Variants in WWOX observed in about 807,000 individuals in gnomAD.
WWOX encodes the protein WW domain containing oxidoreductase, also known as WW domain-containing oxidoreductase.
A neutral mutation model predicts 46.2 loss-of-function variants in WWOX; 69 were observed. That is an observed-to-expected ratio of 1.49 (90% CI 1.23 to 1.82). The LOEUF is 1.82. Among genes scored for constraint, WWOX ranks in the 40% most tolerant of loss-of-function variants. WWOX has a pLI of 0.00. For missense variants in WWOX, 919 were observed against 542.6 expected (o/e 1.69, Z -6.89); for synonymous variants, 359 against 202.6 (o/e 1.77, Z -6.56).
At chr16:78,829,361 C>T (rs1399499242) in intron 8 of WWOX, among the ~76,000 whole-genome samples, 5 of 152,188 alleles carry the variant, frequency 3.3e-5, no homozygotes, top group Non-Finnish European at 5.9e-5. Flanking sequence ...ATTTCTTACT[C>T]AGACTTTTGT....
chr16:78,304,999 T>A (rs1480667167), intron 5 of WWOX, among the ~76,000 whole-genome samples: 2 of 152,028 alleles, frequency 1.3e-5, no homozygotes, highest in Non-Finnish European at 2.9e-5. Context: ...CCTTCTTTCC[T>A]TGCCATTTAA....
intron 8 of WWOX, among the ~76,000 whole-genome samples, chr16:78,904,646 T>C (rs549219893): frequency 1.3e-5 from 2 of 152,124 alleles, no homozygotes; most frequent in Non-Finnish European, 2.9e-5. Flanking sequence ...CCACATAATT[T>C]ATCATCCACA....
chr16:78,883,294 C>T (rs564348356), intron 8 of WWOX, among the ~76,000 whole-genome samples: 153 of 152,014 alleles, frequency 1.0e-3, no homozygotes, highest in Non-Finnish European at 2.0e-3. Context: ...AACGCAGTAA[C>T]GTAGAGATGA....
chr16:78,431,268 T>G (rs7201039), intron 7 of WWOX, among the ~76,000 whole-genome samples: 1 of 152,072 alleles, frequency 6.6e-6, no homozygotes, highest in Non-Finnish European at 1.5e-5. Flanking sequence ...AAACATTAGA[T>G]TTTGCCAGAA....
intron 5 of WWOX, among the ~76,000 whole-genome samples, chr16:78,377,431 C>G (rs1487285089): frequency 2.6e-5 from 4 of 152,288 alleles, no homozygotes; most frequent in Admixed American, 2.0e-4. Flanking sequence ...TACGCTTCAA[C>G]TTATTGTACT....
At chr16:78,285,871 G>A (rs28722104) in intron 5 of WWOX, among the ~76,000 whole-genome samples, 6,328 of 152,130 alleles carry the variant, frequency 0.042, 298 homozygotes, top group African/African-American at 0.12. Context: ...CAAGCTTTCT[G>A]TCTCCCAGGA....
chr16:78,503,983 T>C (rs899236870), intron 8 of WWOX, among the ~76,000 whole-genome samples: 3 of 152,262 alleles, frequency 2.0e-5, no homozygotes, highest in Admixed American at 2.0e-4. Flanking sequence ...TTATGTTTTT[T>C]TTATTCCCTG....
At chr16:78,170,890 T>G (rs1486239986) in intron 5 of WWOX, among the ~76,000 whole-genome samples, 1 of 152,212 alleles carries the variant, frequency 6.6e-6, no homozygotes, top group Non-Finnish European at 1.5e-5. Flanking sequence ...GTGCATGTTT[T>G]AGGGAGAGAG....
At position 79,165,931 on chromosome 16, in the gene WWOX, C is replaced by T. The variant is rs564766605; in HGVS notation, c.1057-45677C>T. ...ATACTAATCAACTCAATTACCAGCC[C>T]TCTCAGACATTTTCATAATGTTTTC... On this transcript the variant is annotated intron_variant, in intron 8 of 8. Coordinates refer to ENST00000566780, the MANE Select transcript of WWOX (RefSeq NM_016373.4). Among the ~76,000 whole-genome samples the T allele has an allele frequency of 2.8e-4, 42 of 152,316 alleles. 1 individual carries two copies. Among genetic ancestry groups the T allele is most frequent in the Non-Finnish European group, 4.9e-4 (33 of 68,030 alleles).
Position 78,615,838 on chromosome 16 carries a change from C to T in WWOX, c.1056+183086C>T, listed in dbSNP as rs189100882. ...CAGTCTCCGCTCACTGTAAGCTCCGCCTCCCGAGTTCACGCCATTCTCCTG... is the reference window on the plus strand; with the variant it reads ...CAGTCTCCGCTCACTGTAAGCTCCGTCTCCCGAGTTCACGCCATTCTCCTG... On this transcript the variant is annotated intron_variant, in intron 8 of 8. Coordinates refer to ENST00000566780, the MANE Select transcript of WWOX (RefSeq NM_016373.4). 7.9e-5 allele frequency among the ~76,000 whole-genome samples: 12 copies of T among 151,840 alleles called. No individual in the cohort carries two copies. In the East Asian group the frequency reaches 2.1e-3, roughly 27 times the overall value.
At chr16:78,518,275 A>G (rs973593045) in intron 8 of WWOX, among the ~76,000 whole-genome samples, 11 of 152,246 alleles carry the variant, frequency 7.2e-5, no homozygotes, top group African/African-American at 2.6e-4. Flanking sequence ...TCTGTCACCC[A>G]GGCTGAAGTG....
chr16:79,050,947 G>C (rs542674321), intron 8 of WWOX, among the ~76,000 whole-genome samples: 5 of 152,340 alleles, frequency 3.3e-5, no homozygotes, highest in African/African-American at 1.2e-4. Context: ...AGAAATTACA[G>C]CCCAGATTAG....
intron 8 of WWOX, among the ~76,000 whole-genome samples, chr16:79,068,532 G>T (rs750915020): frequency 3.3e-5 from 5 of 151,992 alleles, no homozygotes; most frequent in Non-Finnish European, 7.4e-5. Context: ...GGCTGGTCAC[G>T]GTGGCTCATG....
chr16:78,171,041 C>T (rs867213975), intron 5 of WWOX, among the ~76,000 whole-genome samples: 2 of 152,212 alleles, frequency 1.3e-5, no homozygotes, highest in African/African-American at 4.8e-5. Context: ...TATGTGATTG[C>T]AGCCTCATTG....
intron 5 of WWOX, among the ~76,000 whole-genome samples, chr16:78,210,489 G>A (rs1051713344): frequency 2.6e-5 from 4 of 151,888 alleles, no homozygotes; most frequent in South Asian, 2.1e-4. Flanking sequence ...ACACACGCGC[G>A]TGCACACACA....
chr16:79,074,174 T>G (rs1363479690), intron 8 of WWOX, among the ~76,000 whole-genome samples: 2 of 152,024 alleles, frequency 1.3e-5, no homozygotes, highest in Non-Finnish European at 2.9e-5. Context: ...GACCCCAAGT[T>G]GGAGCTGTGT....
chr16:78,536,087 G>A (rs1420732368), intron 8 of WWOX, among the ~76,000 whole-genome samples: 1 of 152,086 alleles, frequency 6.6e-6, no homozygotes, highest in South Asian at 2.1e-4. Context: ...CTTGCCATGG[G>A]GCCTTGTATA....
intron 6 of WWOX, among the ~76,000 whole-genome samples, chr16:78,410,572 G>A (rs1484641876): frequency 6.6e-6 from 1 of 152,052 alleles, no homozygotes; most frequent in Non-Finnish European, 1.5e-5. Context: ...CACTTTGGGA[G>A]GTCGAGGTGA....
chr16:79,175,460 C>T (rs942263119), intron 8 of WWOX, among the ~76,000 whole-genome samples: 1 of 152,208 alleles, frequency 6.6e-6, no homozygotes, highest in African/African-American at 2.4e-5. Context: ...GTCTGACTCT[C>T]TTTAGCAGGA....
Sources: gnomAD v4.1 joint callset for allele counts (sites outside exome capture counted in the v4.1 genomes callset) on GRCh38, gnomAD v4.1.1 for gene constraint, MANE v1.5 for transcripts, NCBI Gene and HGNC (gene_info 2026-07-23, HGNC 2026-07-21) for gene names.